FIBCD1: variants seen among roughly 807,000 people sequenced by gnomAD.
FIBCD1 encodes fibrinogen C domain containing 1.
In FIBCD1, 47 loss-of-function variants were observed where a neutral mutation model predicts 45.1. That is an observed-to-expected ratio of 1.04 (90% CI 0.82 to 1.33). The LOEUF (loss-of-function observed/expected upper bound fraction) is 1.33, where lower values mean the gene tolerates loss of function less well. Ranked by LOEUF, FIBCD1 falls within the 40% of genes most tolerant of loss-of-function variation. The pLI, the probability that FIBCD1 is intolerant of heterozygous loss-of-function variation, is 0.00. For synonymous variants in FIBCD1, 313 were observed against 308.1 expected, an observed-to-expected ratio of 1.02 and a Z score of -0.17; for missense variants, 653 against 682.2, an observed-to-expected ratio of 0.96 and a Z score of 0.48.
chr9:130,903,882 G>T lies in FIBCD1; in HGVS notation c.*182C>A. Reference sequence around the variant, plus strand: ...CTGCCAAATGGAGGGGGTGGGGACGGCGAGAAGGCGATGTGTGACTTCACC... The same window carrying T: ...CTGCCAAATGGAGGGGGTGGGGACGTCGAGAAGGCGATGTGTGACTTCACC... On this transcript the variant is annotated 3_prime_UTR_variant, in exon 7 of 7. Coordinates refer to ENST00000372338, the MANE Select transcript of FIBCD1 (RefSeq NM_032843.5). 1 of 762,540 alleles carries T rather than the reference G, an allele frequency of 1.3e-6. No homozygotes were observed. The highest frequency in any genetic ancestry group is 2.3e-6 in the Non-Finnish European group (1 of 443,984). 47.2% of individuals were successfully genotyped at this position (762,540 alleles called of 1,614,324 possible).
At chr9:130,936,410 T>C (rs1360473645) in intron 1 of FIBCD1, 5 of 152,258 alleles carry the variant, frequency 3.3e-5, no homozygotes, top group African/African-American at 9.7e-5. Flanking sequence ...ACAGCCTGTC[T>C]ACATGCTGGG....
chr9:130,923,605 A>C (rs974047338), intron 4 of FIBCD1, 139 bp downstream of exon 4: 4 of 1,332,812 alleles, frequency 3.0e-6, no homozygotes, highest in Non-Finnish European at 4.1e-6. Context: ...GGCCAGGCAG[A>C]AGGGCACCAG....
At chr9:130,915,230 C>T (rs527762418) in intron 4 of FIBCD1, among the ~76,000 whole-genome samples, 3 of 152,218 alleles carry the variant, frequency 2.0e-5, no homozygotes, top group African/African-American at 7.2e-5. Context: ...TCCCACTGCC[C>T]TCTCAGTCTG....
intron 2 of FIBCD1, among the ~76,000 whole-genome samples, chr9:130,929,042 C>T (rs184645489): frequency 1.1e-3 from 171 of 152,174 alleles, no homozygotes; most frequent in Non-Finnish European, 2.0e-3. Flanking sequence ...TGGTTTGGGA[C>T]AGGCTAGGGG....
intron 4 of FIBCD1, 70 bp downstream of exon 4, chr9:130,923,674 C>A: frequency 6.4e-7 from 1 of 1,572,896 alleles, no homozygotes. Flanking sequence ...CTCGGAATGC[C>A]CGGGTTCAGG....
chr9:130,921,045 G>C (rs1588109380), intron 4 of FIBCD1, among the ~76,000 whole-genome samples: 1 of 152,222 alleles, frequency 6.6e-6, no homozygotes, highest in Non-Finnish European at 1.5e-5. Context: ...AGGGATTGAA[G>C]GGCGCTGGCG....
chr9:130,930,755 T>C (rs773829279), intron 1 of FIBCD1: 22 of 455,834 alleles, frequency 4.8e-5, no homozygotes, highest in South Asian at 3.2e-4. Context: ...CAGTGTGACC[T>C]TGGGCCAGGG....
At chr9:130,924,602 G>A (rs1832327379) in intron 2 of FIBCD1, among the ~76,000 whole-genome samples, 1 of 152,208 alleles carries the variant, frequency 6.6e-6, no homozygotes, top group Non-Finnish European at 1.5e-5. Context: ...GTGCTCTGGG[G>A]CCTCGAGGGC....
Position 130,904,205 on chromosome 9 carries a change from G to A in FIBCD1, c.1245C>T (p.His415=), listed in dbSNP as rs1230798923. ...GGTACTGCCCATTGAGGTTGGACGT[G>A]TGGCAGTTGCGGTACCACCAGGCAC... The part of the protein sequence containing the change: ...YRGAWWYRNC[H]TSNLNGQYLR... Residue 415 remains histidine, a synonymous_variant, in exon 7 of 7, where the codon CAC becomes CAT. Transcript: ENST00000372338. The A allele has an allele frequency of 6.2e-7, 1 of 1,613,794 alleles. No homozygotes were observed. Among genetic ancestry groups the A allele is most frequent in the East Asian group, 2.2e-5 (1 of 44,878 alleles).
intron 4 of FIBCD1, among the ~76,000 whole-genome samples, chr9:130,919,257 C>T (rs1034943639): frequency 6.6e-6 from 1 of 152,106 alleles, no homozygotes; most frequent in African/African-American, 2.4e-5. Flanking sequence ...GTGTTGTCCC[C>T]GGTCACCGGT....
At chr9:130,907,854 A>C (rs1452605353) in intron 5 of FIBCD1, among the ~76,000 whole-genome samples, 2 of 147,960 alleles carry the variant, frequency 1.4e-5, no homozygotes, top group East Asian at 2.0e-4. Context: ...AGCTGATATC[A>C]TGCCACTGTA....
Position 130,903,911 on chromosome 9 carries a change from C to T in FIBCD1, c.*153G>A, listed in dbSNP as rs1423034850. ...GAAGGCGATGTGTGACTTCACCGGC[C>T]CAGGGAGCTTCGTGTCAGGGATGGC... On this transcript the variant is annotated 3_prime_UTR_variant, in exon 7 of 7. Coordinates refer to ENST00000372338, the MANE Select transcript of FIBCD1 (RefSeq NM_032843.5). The T allele has an allele frequency of 1.0e-6, 1 of 988,170 alleles. No homozygotes were observed. The highest frequency in any genetic ancestry group is 2.6e-5 in the East Asian group (1 of 38,174). 61.2% of individuals were successfully genotyped at this position (988,170 alleles called of 1,614,324 possible).
intron 5 of FIBCD1, among the ~76,000 whole-genome samples, chr9:130,907,365 A>G (rs1191276676): frequency 6.6e-6 from 1 of 152,056 alleles, no homozygotes; most frequent in Admixed American, 6.5e-5. Flanking sequence ...GGCTTTCTCC[A>G]GCTCTCCCAG....
intron 4 of FIBCD1, among the ~76,000 whole-genome samples, chr9:130,915,845 A>G (rs1832149457): frequency 6.6e-6 from 1 of 152,244 alleles, no homozygotes; most frequent in African/African-American, 2.4e-5. Context: ...CAGACTGACC[A>G]TGTCCCAGAG....
chr9:130,936,394 C>T (rs1832520873), intron 1 of FIBCD1: 1 of 152,250 alleles, frequency 6.6e-6, no homozygotes, highest in African/African-American at 2.4e-5. Context: ...AGAGCTGGCA[C>T]AGGGAACAGC....
chr9:130,930,325 CG>C (rs1278718664), intron 1 of FIBCD1, among the ~76,000 whole-genome samples: 1 of 150,170 alleles, frequency 6.7e-6, no homozygotes. Flanking sequence ...TAGGGAGAGA[CG>C]GGGAGACGCG....
intron 4 of FIBCD1, among the ~76,000 whole-genome samples, chr9:130,923,049 C>T (rs1832289282): frequency 6.6e-6 from 1 of 152,172 alleles, no homozygotes; most frequent in South Asian, 2.1e-4. Context: ...CTGTGCTTCC[C>T]CGGAACCCAG....
intron 2 of FIBCD1, among the ~76,000 whole-genome samples, chr9:130,925,824 TC>T (rs1319726030): frequency 4.6e-5 from 7 of 152,086 alleles, no homozygotes; most frequent in African/African-American, 1.7e-4. Context: ...GCCGGCCGGG[TC>T]TTTATACACC....
rs1002541617 is a variant in FIBCD1, at chr9:130,922,101, C to T, written c.849+1643G>A. 9.2e-5 allele frequency among the ~76,000 whole-genome samples: 14 copies of T among 152,220 alleles called. No homozygotes were observed. Among genetic ancestry groups the T allele is most frequent in the Non-Finnish European group, 5.9e-5 (4 of 68,036 alleles). On this transcript the variant is annotated intron_variant, in intron 4 of 6. Transcript: ENST00000372338. This position sits in a 1 kb window ranked among gnomAD's most constrained non-coding sequence, Gnocchi z 4.5. Reference sequence around the variant, plus strand: ...CCAAAAACTCCCCGCCAAGAGGCTTCCCTCTCTCCTGTTTCTCGGTCACTT... The same window carrying T: ...CCAAAAACTCCCCGCCAAGAGGCTTTCCTCTCTCCTGTTTCTCGGTCACTT...
Sources: allele counts gnomAD v4.1 joint callset (sites outside exome capture counted in the v4.1 genomes callset), GRCh38; gene constraint gnomAD v4.1.1; non-coding constraint Gnocchi (gnomAD v3.1); transcripts MANE v1.5; gene names NCBI Gene and HGNC (gene_info 2026-07-23, HGNC 2026-07-21).